The following FAM222A variants were observed in gnomAD, a reference collection of about 807,000 sequenced individuals.
The protein encoded by FAM222A is family with sequence similarity 222 member A, also known as protein FAM222A.
FAM222A carries 7 observed loss-of-function variants against 25.8 expected under a neutral mutation model. The ratio of observed to expected loss-of-function variants is 0.27; its 90% CI spans 0.15 to 0.51. FAM222A has a LOEUF of 0.51. Among genes scored for constraint, FAM222A ranks in the 20% least tolerant of loss-of-function variants. The probability of loss-of-function intolerance (pLI) is 0.97; values close to 1 mark genes in which losing one functional copy is unlikely to be tolerated. For synonymous variants in FAM222A, 294 were observed against 298.8 expected (o/e 0.98, Z 0.17); for missense variants, 573 against 640.5 (o/e 0.89, Z 1.14).
intron 2 of FAM222A, among the ~76,000 whole-genome samples, chr12:109,755,801 T>A (rs2136368688): frequency 6.6e-6 from 1 of 152,390 alleles, no homozygotes; most frequent in Middle Eastern, 3.4e-3. Context: ...TAAGGGTTTA[T>A]TTCTGGATTT....
chr12:109,731,672 T>C (rs1461857688), intron 1 of FAM222A, among the ~76,000 whole-genome samples: 1 of 152,102 alleles, frequency 6.6e-6, no homozygotes, highest in Non-Finnish European at 1.5e-5. Context: ...GTGGGGCTTG[T>C]GTTGCCTAGT....
intron 1 of FAM222A, among the ~76,000 whole-genome samples, chr12:109,715,713 C>G (rs1162068726): frequency 6.6e-6 from 1 of 152,190 alleles, no homozygotes; most frequent in East Asian, 1.9e-4. Context: ...CAGAGCTTTG[C>G]CCATGTAGCC....
At chr12:109,718,166 C>T (rs111938934) in intron 1 of FAM222A, among the ~76,000 whole-genome samples, 1,556 of 151,986 alleles carry the variant, frequency 0.01, 11 homozygotes, top group Non-Finnish European at 0.014. Flanking sequence ...GTCATGGCTA[C>T]TGTTACCTCC....
intron 1 of FAM222A, among the ~76,000 whole-genome samples, chr12:109,742,569 ACCTCC>A (rs1156817985): frequency 7.1e-6 from 1 of 141,806 alleles, no homozygotes; most frequent in South Asian, 2.3e-4. Context: ...GGTGAGAATC[ACCTCC>A]CCTCCCCTCC....
rs780159329 is a variant in FAM222A, at chr12:109,714,705, C to G, written c.-239C>G. 19 of 152,246 alleles carry G rather than the reference C, an allele frequency of 1.2e-4. No individual in the cohort carries two copies. The highest frequency in any genetic ancestry group is 2.4e-4 in the African/African-American group (10 of 41,460). The allele number at this position is 152,246 out of a possible 1,614,324, so 9.4% of individuals were successfully genotyped here. A position where few individuals can be genotyped will look rare whatever the true frequency, so the allele number is the denominator to read the frequency against. On this transcript the variant is annotated 5_prime_UTR_variant, in exon 1 of 3. Transcript: ENST00000538780. This position sits in a 1 kb window ranked among gnomAD's most constrained non-coding sequence, Gnocchi z 4.2. ...TGCTGAACGGAGACCTCCCCTCCCCCCCGACTTCGGACGGCGCAGGCCGGC... is the reference window on the plus strand; with the variant it reads ...TGCTGAACGGAGACCTCCCCTCCCCGCCGACTTCGGACGGCGCAGGCCGGC...
chr12:109,732,698 G>A (rs1392833195), intron 1 of FAM222A, among the ~76,000 whole-genome samples: 1 of 152,242 alleles, frequency 6.6e-6, no homozygotes, highest in African/African-American at 2.4e-5. Flanking sequence ...GTGGGGGGAG[G>A]TGTGTGTGAG....
At chr12:109,731,859 G>A (rs978770878) in intron 1 of FAM222A, among the ~76,000 whole-genome samples, 1 of 152,208 alleles carries the variant, frequency 6.6e-6, no homozygotes, top group Non-Finnish European at 1.5e-5. Context: ...TGCAGGGAGT[G>A]TGGGAAATAA....
chr12:109,761,263 C>T (rs1268356944), intron 2 of FAM222A, among the ~76,000 whole-genome samples: 1 of 152,040 alleles, frequency 6.6e-6, no homozygotes, highest in African/African-American at 2.4e-5. Flanking sequence ...CTGTGCTCTT[C>T]CCAGGAGCAG....
chr12:109,715,083 G>T (rs1040518208), intron 1 of FAM222A, among the ~76,000 whole-genome samples, 186 bp downstream of exon 1: 1 of 152,204 alleles, frequency 6.6e-6, no homozygotes, highest in East Asian at 1.9e-4. Context: ...AGTGGAGGTT[G>T]GGGGGCCCAT....
chr12:109,763,250 C>A (rs561565568), intron 2 of FAM222A, among the ~76,000 whole-genome samples: 56 of 152,376 alleles, frequency 3.7e-4, no homozygotes, highest in African/African-American at 1.3e-3. Context: ...TTGCTGATTG[C>A]ATGCTCTTGG....
chr12:109,761,784 C>T (rs1888904901), intron 2 of FAM222A, among the ~76,000 whole-genome samples: 1 of 152,162 alleles, frequency 6.6e-6, no homozygotes, highest in African/African-American at 2.4e-5. Context: ...CCTTTGGCCC[C>T]TTTCCAGCCA....
Position 109,769,575 on chromosome 12 carries a change from A to G in FAM222A, c.*287A>G, listed in dbSNP as rs1341313613. The stretch of plus-strand genomic sequence containing the variant: ...TTTATCTAAGCTGGCAGAGGCAGGG[A>G]GAGAGAAACCACTCAAAAACAGGAA... On this transcript the variant is annotated 3_prime_UTR_variant, in exon 3 of 3. Coordinates refer to ENST00000538780, the MANE Select transcript of FAM222A (RefSeq NM_032829.3). 4 of 476,800 alleles carry G rather than the reference A, an allele frequency of 8.4e-6. No homozygotes were observed. The highest frequency in any genetic ancestry group is 1.1e-5 in the Non-Finnish European group (3 of 268,088). The allele number at this position is 476,800 out of a possible 1,614,324, so 29.5% of individuals were successfully genotyped here.
intron 1 of FAM222A, among the ~76,000 whole-genome samples, chr12:109,733,358 C>T (rs1887993079): frequency 6.6e-6 from 1 of 151,964 alleles, no homozygotes; most frequent in Non-Finnish European, 1.5e-5. Context: ...TTAATTTCCT[C>T]TTACTGCTAG....
chr12:109,724,435 A>G (rs1264088978), intron 1 of FAM222A, among the ~76,000 whole-genome samples: 1 of 152,230 alleles, frequency 6.6e-6, no homozygotes, highest in Non-Finnish European at 1.5e-5. Context: ...CAGGCCTCAC[A>G]GACTCCCTTC....
chr12:109,766,394 C>G (rs546448877), intron 2 of FAM222A, among the ~76,000 whole-genome samples: 15 of 152,368 alleles, frequency 9.8e-5, no homozygotes, highest in African/African-American at 3.1e-4. Context: ...GACAGTCAGC[C>G]TGTAGCACAG....
chr12:109,735,433 A>G (rs971062357), intron 1 of FAM222A, among the ~76,000 whole-genome samples: 70 of 152,316 alleles, frequency 4.6e-4, no homozygotes, highest in African/African-American at 1.7e-3. Flanking sequence ...TGTGGAGAAC[A>G]CTAAAAATAA....
At chr12:109,716,237 G>A (rs1341889037) in intron 1 of FAM222A, among the ~76,000 whole-genome samples, 1 of 152,224 alleles carries the variant, frequency 6.6e-6, no homozygotes, top group African/African-American at 2.4e-5. Flanking sequence ...TCCTGCTGCT[G>A]GCTCTGGGAT....
intron 1 of FAM222A, among the ~76,000 whole-genome samples, chr12:109,716,713 G>A (rs1021517163): frequency 2.6e-5 from 4 of 152,322 alleles, no homozygotes; most frequent in Middle Eastern, 3.4e-3. Context: ...GCCCTCTGCC[G>A]AGTATTTACA....
chr12:109,717,602 AGG>A (rs1254868977), intron 1 of FAM222A, among the ~76,000 whole-genome samples: 1 of 152,166 alleles, frequency 6.6e-6, no homozygotes, highest in African/African-American at 2.4e-5. Context: ...TGATGGGGAA[AGG>A]GGCAGCCGTG....
Sources: allele counts gnomAD v4.1 joint callset (sites outside exome capture counted in the v4.1 genomes callset), GRCh38; gene constraint gnomAD v4.1.1; non-coding constraint Gnocchi (gnomAD v3.1); transcripts MANE v1.5; gene names NCBI Gene and HGNC (gene_info 2026-07-23, HGNC 2026-07-21).